The following TMEM131 variants were observed in gnomAD, a reference collection of about 807,000 sequenced individuals.
TMEM131 encodes the protein 2610524E03Rik.
In TMEM131, 66 loss-of-function variants were observed where a neutral mutation model predicts 211.6. That is an observed-to-expected ratio of 0.31 (90% CI 0.26 to 0.38). The LOEUF (loss-of-function observed/expected upper bound fraction) is 0.38, where lower values mean the gene tolerates loss of function less well. Ranked by LOEUF, TMEM131 falls within the 10% of genes least tolerant of loss-of-function variation. The pLI is 1.00. For missense variants in TMEM131, 2,036 were observed against 2,299.3 expected (o/e 0.89, Z 2.34); for synonymous variants, 844 against 841.3 (o/e 1.00, Z -0.06).
chr2:97,926,714 C>T (rs368792030), intron 2 of TMEM131, among the ~76,000 whole-genome samples: 7 of 152,174 alleles, frequency 4.6e-5, no homozygotes, highest in Non-Finnish European at 7.3e-5. Context: ...AGTTCACAAG[C>T]TTTTCCATAG....
At chr2:97,948,559 T>C (rs1481036326) in intron 1 of TMEM131, among the ~76,000 whole-genome samples, 1 of 152,208 alleles carries the variant, frequency 6.6e-6, no homozygotes, top group Non-Finnish European at 1.5e-5. Context: ...CCATATCAGG[T>C]GTTGGCAAGG....
chr2:97,818,030 T>C lies in TMEM131; in HGVS notation c.1183+583A>G, dbSNP rs567083940. 3.9e-5 allele frequency among the ~76,000 whole-genome samples: 6 copies of C among 152,308 alleles called. No individual in the cohort carries two copies. In the East Asian group the frequency reaches 9.6e-4, roughly 24 times the overall value. Reference sequence around the variant, plus strand: ...AATTCAATGAATGTTCCAATTAAAGTAGGCAAAACTAAATAAAAACATGCT... The same window carrying C: ...AATTCAATGAATGTTCCAATTAAAGCAGGCAAAACTAAATAAAAACATGCT... On this transcript the variant is annotated intron_variant, in intron 12 of 40. Coordinates refer to ENST00000186436, the MANE Select transcript of TMEM131 (RefSeq NM_015348.2).
At chr2:97,915,842 T>G (rs1221400088) in intron 2 of TMEM131, among the ~76,000 whole-genome samples, 1 of 152,230 alleles carries the variant, frequency 6.6e-6, no homozygotes, top group Non-Finnish European at 1.5e-5. Context: ...AGGTGTGAGA[T>G]CTTTCTATAT....
chr2:97,971,557 T>C (rs1358107401), intron 1 of TMEM131, among the ~76,000 whole-genome samples: 1 of 152,218 alleles, frequency 6.6e-6, no homozygotes. Context: ...ATCCATAAAG[T>C]TTTCTGAATC....
At chr2:97,834,958 CT>C in intron 8 of TMEM131, 33 bp from the exon 9 acceptor site, 1 of 1,609,564 alleles carries the variant, frequency 6.2e-7, no homozygotes, top group Non-Finnish European at 8.5e-7. Context: ...TGTAGCACAG[CT>C]TTTGTAATGT....
At chr2:97,830,025 T>G (rs1251818255) in intron 11 of TMEM131, among the ~76,000 whole-genome samples, 1 of 151,288 alleles carries the variant, frequency 6.6e-6, no homozygotes, top group Non-Finnish European at 1.5e-5. Flanking sequence ...ATAAAAACTT[T>G]ACATTAGTAT....
chr2:97,761,093 T>G (rs761544134), intron 36 of TMEM131, 179 bp from the exon 37 acceptor site: 10 of 707,496 alleles, frequency 1.4e-5, no homozygotes, highest in African/African-American at 1.1e-4. Flanking sequence ...CAGACAGAGA[T>G]AGAGGGCTTT....
intron 1 of TMEM131, among the ~76,000 whole-genome samples, chr2:97,955,667 C>T (rs953212438): frequency 6.6e-6 from 1 of 151,734 alleles, no homozygotes; most frequent in African/African-American, 2.4e-5. Context: ...CATATGGAAA[C>T]CAAAAAGTTA....
intron 1 of TMEM131, among the ~76,000 whole-genome samples, chr2:97,967,991 GC>G (rs1679132388): frequency 6.6e-6 from 1 of 151,438 alleles, no homozygotes; most frequent in South Asian, 2.1e-4. Context: ...ATGTCTTACT[GC>G]CTAAGACCTC....
chr2:97,815,275 C>T lies in TMEM131; in HGVS notation c.1216G>A (p.Gly406Arg), dbSNP rs750648342. 8.9e-6 allele frequency: 14 copies of T among 1,569,366 alleles called. No homozygotes were observed. The highest frequency in any genetic ancestry group is 1.2e-5 in the Non-Finnish European group (14 of 1,166,388). ...SKAKKPSQFS[G>R]KITVKAKEKS... is the part of the protein sequence containing the mutation. ...TCCTTTGCTTTAACTGTTATTTTCC[C>T]AGAAAACTGAGATGGCTTTTTTGCC... is the stretch of plus-strand genomic sequence containing the variant. The change falls in exon 13 of 41, where the codon GGG becomes AGG. Residue 406 changes from glycine to arginine, a missense_variant. Around this residue, in one of 3 missense-constraint regions of TMEM131, gnomAD observed 1,623 missense variants for 1,805.9 expected, o/e 0.90. Transcript: ENST00000186436.
chr2:97,857,274 G>A (rs1673886913), intron 5 of TMEM131, among the ~76,000 whole-genome samples: 1 of 152,182 alleles, frequency 6.6e-6, no homozygotes, highest in African/African-American at 2.4e-5. Flanking sequence ...CCACTGGGCT[G>A]GAGCCCGGTG....
At chr2:97,891,011 G>A (rs1675354592) in intron 3 of TMEM131, among the ~76,000 whole-genome samples, 1 of 152,136 alleles carries the variant, frequency 6.6e-6, no homozygotes, top group Admixed American at 6.5e-5. Context: ...ATCCGAGTGA[G>A]TACGATACAA....
chr2:97,942,474 AT>A (rs1488909305), intron 1 of TMEM131, among the ~76,000 whole-genome samples: 26 of 64,950 alleles, frequency 4.0e-4, no homozygotes, highest in African/African-American at 6.6e-4. Context: ...TTAAAGTATA[AT>A]TTAAAAAAAA....
At chr2:97,910,683 T>C (rs1050776769) in intron 2 of TMEM131, among the ~76,000 whole-genome samples, 2 of 152,194 alleles carry the variant, frequency 1.3e-5, no homozygotes, top group African/African-American at 2.4e-5. Flanking sequence ...TGGTATCTCA[T>C]TGTGGTTTTG....
chr2:97,800,965 A>C lies in TMEM131; in HGVS notation c.2718+930T>G, dbSNP rs987864329. Among the ~76,000 whole-genome samples the C allele has an allele frequency of 7.2e-5, 11 of 152,352 alleles. 1 individual carries two copies. The East Asian group carries it at 1.9e-3, about 27-fold the overall frequency. On this transcript the variant is annotated intron_variant, in intron 25 of 40. Transcript: ENST00000186436. ...TCCCAGCCATTATTTGACAGAAAAA[A>C]ATACTACTTTGAATATTACTTTCTT...
intron 2 of TMEM131, among the ~76,000 whole-genome samples, chr2:97,918,186 C>T (rs969475020): frequency 6.6e-6 from 1 of 152,110 alleles, no homozygotes; most frequent in Non-Finnish European, 1.5e-5. Context: ...ACAGGCGATC[C>T]ACCGGCCTCA....
At chr2:97,853,138 T>C (rs1017585416) in intron 5 of TMEM131, among the ~76,000 whole-genome samples, 2 of 152,222 alleles carry the variant, frequency 1.3e-5, no homozygotes, top group Non-Finnish European at 1.5e-5. Context: ...ACAACATCCA[T>C]TCTTCAGCCA....
chr2:97,986,022 C>T (rs1680013039), intron 1 of TMEM131, among the ~76,000 whole-genome samples: 4 of 149,370 alleles, frequency 2.7e-5, no homozygotes, highest in Admixed American at 2.7e-4. Context: ...AATAGAAACT[C>T]AGAAAAATAT....
In TMEM131 at chr2:97,792,685, C is replaced by T. The variant is rs1680559689; in HGVS notation, c.3845G>A (p.Gly1282Glu). The T allele has an allele frequency of 2.5e-6, 4 of 1,613,948 alleles. No homozygotes were observed. Among genetic ancestry groups the T allele is most frequent in the African/African-American group, 1.3e-5 (1 of 75,018 alleles). Residue 1282 changes from glycine (G) to glutamate (E), a missense_variant, in exon 31 of 41, where the codon GGG (glycine) becomes GAG (glutamate). Physicochemically the swap from Gly to Glu is moderately conservative, Grantham distance 98 (BLOSUM62 -2). Coordinates refer to ENST00000186436, the MANE Select transcript of TMEM131 (RefSeq NM_015348.2). ...QGHTAGRKSKGAKQSQHGSQH... is the reference protein window; with the variant it reads ...QGHTAGRKSKEAKQSQHGSQH... ...GCTGCCGTGCTGGCTCTGCTTTGCCCCTTTGGACTTTCTGCCCGCTGTATG... is the reference window on the plus strand; with the variant it reads ...GCTGCCGTGCTGGCTCTGCTTTGCCTCTTTGGACTTTCTGCCCGCTGTATG...
Sources: allele counts gnomAD v4.1 joint callset (sites outside exome capture counted in the v4.1 genomes callset), GRCh38; gene constraint gnomAD v4.1.1; regional missense constraint gnomAD v4.1.1; transcripts MANE v1.5; gene names NCBI Gene and HGNC (gene_info 2026-07-23, HGNC 2026-07-21).